Variants in PLA2G5 observed in about 807,000 individuals in gnomAD.
The protein encoded by PLA2G5 is Ca2+-dependent phospholipase A2.
A neutral mutation model predicts 15.9 loss-of-function variants in PLA2G5; 12 were observed. That is an observed-to-expected ratio of 0.76 (90% CI 0.48 to 1.23). The LOEUF is 1.23. Among genes scored for constraint, PLA2G5 ranks in the 50% most tolerant of loss-of-function variants. PLA2G5 has a pLI of 0.00. For missense variants in PLA2G5, 169 were observed against 177.1 expected (o/e 0.95, Z 0.26); for synonymous variants, 71 against 71.4 (o/e 0.99, Z 0.03).
intron 2 of PLA2G5, among the ~76,000 whole-genome samples, chr1:20,059,982 A>AC (rs1473078618): frequency 3.9e-5 from 6 of 151,998 alleles, no homozygotes; most frequent in Admixed American, 2.0e-4. Context: ...CTTTTCCAGC[A>AC]CCCCCAAGGA....
intron 1 of PLA2G5, among the ~76,000 whole-genome samples, chr1:20,056,773 G>GAA (rs1329355006): frequency 1.3e-5 from 2 of 152,174 alleles, no homozygotes; most frequent in Non-Finnish European, 2.9e-5. Context: ...CCTTCTGGAA[G>GAA]AGATTGTACA....
At chr1:20,048,777 C>T (rs1035351329) in intron 1 of PLA2G5, among the ~76,000 whole-genome samples, 1 of 152,092 alleles carries the variant, frequency 6.6e-6, no homozygotes, top group Non-Finnish European at 1.5e-5. Context: ...ATGACTATGA[C>T]AGTTTTCATA....
intron 1 of PLA2G5, among the ~76,000 whole-genome samples, chr1:20,074,789 G>T (rs946808711): frequency 6.6e-6 from 1 of 152,202 alleles, no homozygotes; most frequent in Non-Finnish European, 1.5e-5. Context: ...GTGCCTGGTG[G>T]GTGTTGGTTC....
At chr1:20,067,006 T>C (rs1474845956), upstream of PLA2G5, among the ~76,000 whole-genome samples, 1 of 150,654 alleles carries the variant, frequency 6.6e-6, no homozygotes, top group African/African-American at 2.4e-5. Context: ...ACCTTGTCTT[T>C]TTTTTCTGAG....
At chr1:20,029,239 GC>G (rs2100242732) in intron 1 of PLA2G5, among the ~76,000 whole-genome samples, 1 of 152,226 alleles carries the variant, frequency 6.6e-6, no homozygotes, top group Admixed American at 6.5e-5. Context: ...TCCTCTGACT[GC>G]CCCCACCAAA....
Position 20,090,597 on chromosome 1 carries a change from T to C in PLA2G5, c.322T>C (p.Cys108Arg). The change falls in exon 5 of 5, where the codon TGT becomes CGT. Residue 108 changes from cysteine (C) to arginine (R), a missense_variant. Cys to Arg is a radical substitution (Grantham distance 180, BLOSUM62 -3). Coordinates refer to ENST00000375108, the MANE Select transcript of PLA2G5 (RefSeq NM_000929.3). ...CGGGCCCTTCTGCCATGTGAACCTC[T>C]GTGCCTGTGACCGGAAGCTCGTCTA... ...EPGPFCHVNL[C>R]ACDRKLVYCL... is the part of the protein sequence containing the mutation. 1 of 1,614,108 alleles carries C rather than the reference T, an allele frequency of 6.2e-7. No homozygotes were observed. The highest frequency in any genetic ancestry group is 8.5e-7 in the Non-Finnish European group (1 of 1,179,960).
At chr1:20,032,265 G>A (rs530495242) in intron 1 of PLA2G5, among the ~76,000 whole-genome samples, 8 of 152,090 alleles carry the variant, frequency 5.3e-5, no homozygotes, top group African/African-American at 9.7e-5. Context: ...ACAAATGCTC[G>A]CCTGTTGTCT....
intron 1 of PLA2G5, among the ~76,000 whole-genome samples, chr1:20,056,634 C>A (rs867092480): frequency 6.6e-6 from 1 of 151,994 alleles, no homozygotes; most frequent in Admixed American, 6.6e-5. Context: ...TTGTTGAGGA[C>A]TTTTGCATTT....
chr1:20,039,025 T>C (rs2013439904), intron 1 of PLA2G5, among the ~76,000 whole-genome samples: 1 of 152,154 alleles, frequency 6.6e-6, no homozygotes, highest in Admixed American at 6.5e-5. Flanking sequence ...TTGGAGAGGC[T>C]GTGGGACTGG....
chr1:20,073,543 T>G (rs1252575896), intron 1 of PLA2G5, among the ~76,000 whole-genome samples: 1 of 152,214 alleles, frequency 6.6e-6, no homozygotes, highest in African/African-American at 2.4e-5. Flanking sequence ...AATTGGTTCA[T>G]CCATCCCATC....
chr1:20,034,806 T>A (rs372850183), intron 1 of PLA2G5, among the ~76,000 whole-genome samples: 8 of 152,164 alleles, frequency 5.3e-5, no homozygotes, highest in Middle Eastern at 6.8e-3. Flanking sequence ...TCTGAGTGCA[T>A]CCCCTAAGAA....
chr1:20,075,945 C>G (rs1385807120), intron 1 of PLA2G5, among the ~76,000 whole-genome samples: 1 of 148,416 alleles, frequency 6.7e-6, no homozygotes, highest in Non-Finnish European at 1.5e-5. Context: ...AACCTCGGCT[C>G]ACTGCAACCC....
At chr1:20,084,692 A>T (rs577681039) in intron 1 of PLA2G5, 129 bp from the exon 2 acceptor site, 2 of 720,104 alleles carry the variant, frequency 2.8e-6, no homozygotes, top group East Asian at 2.5e-5. Context: ...GGCTGGACTC[A>T]TCTTGTTTAT....
chr1:20,037,152 G>T (rs2013301226), intron 1 of PLA2G5, among the ~76,000 whole-genome samples: 1 of 152,162 alleles, frequency 6.6e-6, no homozygotes, highest in Admixed American at 6.5e-5. Context: ...TACCAGAATT[G>T]ATTTTCTCGT....
chr1:20,031,190 C>T (rs914348108), intron 1 of PLA2G5, among the ~76,000 whole-genome samples: 96 of 152,134 alleles, frequency 6.3e-4, no homozygotes, highest in Non-Finnish European at 1.0e-3. Context: ...ATGGATTGGC[C>T]GACTAGGTGA....
At chr1:20,058,713 C>T (rs1364411405) in intron 1 of PLA2G5, among the ~76,000 whole-genome samples, 2 of 152,098 alleles carry the variant, frequency 1.3e-5, no homozygotes, top group Non-Finnish European at 2.9e-5. Context: ...AATTCTGGGG[C>T]TGCAGCTCCA....
chr1:20,090,366 G>A (rs555655302), intron 4 of PLA2G5, among the ~76,000 whole-genome samples: 13 of 152,294 alleles, frequency 8.5e-5, no homozygotes, highest in Admixed American at 7.8e-4. Context: ...AACTCCCTGA[G>A]GGCAGGAGCT....
intron 1 of PLA2G5, among the ~76,000 whole-genome samples, chr1:20,048,289 G>A (rs1379219718): frequency 6.6e-6 from 1 of 152,066 alleles, no homozygotes; most frequent in African/African-American, 2.4e-5. Context: ...AATAATATTA[G>A]AAATGTCTTA....
upstream of PLA2G5, among the ~76,000 whole-genome samples, chr1:20,065,346 A>G (rs2014962948): frequency 6.6e-6 from 1 of 152,192 alleles, no homozygotes; most frequent in Admixed American, 6.5e-5. Flanking sequence ...ACAAATGCAT[A>G]ATGTCATGTA....
Sources: gnomAD v4.1 joint callset for allele counts (sites outside exome capture counted in the v4.1 genomes callset) on GRCh38, gnomAD v4.1.1 for gene constraint, MANE v1.5 for transcripts, NCBI Gene and HGNC (gene_info 2026-07-23, HGNC 2026-07-21) for gene names.